Variants in CREB5 observed in about 807,000 individuals in gnomAD.
CREB5 encodes cyclic AMP-responsive element-binding protein 5.
Under a neutral mutation model 57.1 loss-of-function variants are expected in CREB5, and 19 were observed. The ratio of observed to expected loss-of-function variants is 0.33; its 90% CI spans 0.23 to 0.49. CREB5 has a LOEUF of 0.49. CREB5 is among the 20% of genes least tolerant of loss of function. CREB5 has a pLI of 0.99. For missense variants in CREB5, 579 were observed against 671.6 expected (o/e 0.86, Z 1.52); for synonymous variants, 238 against 238.3 (o/e 1.00, Z 0.01).
intron 5 of CREB5, among the ~76,000 whole-genome samples, chr7:28,647,347 C>T (rs904290656): frequency 2.0e-5 from 3 of 151,990 alleles, no homozygotes; most frequent in Non-Finnish European, 4.4e-5. Flanking sequence ...ATTGTGTGCT[C>T]TGCTAAGACC....
intron 7 of CREB5, among the ~76,000 whole-genome samples, chr7:28,754,735 TC>T (rs1022748425): frequency 1.3e-5 from 2 of 152,152 alleles, no homozygotes; most frequent in Non-Finnish European, 2.9e-5. Flanking sequence ...CTCTTTTTTT[TC>T]CCCCAATAAG....
At chr7:28,550,583 C>T (rs892437818) in intron 4 of CREB5, among the ~76,000 whole-genome samples, 1 of 152,204 alleles carries the variant, frequency 6.6e-6, no homozygotes, top group South Asian at 2.1e-4. Context: ...TCTGCCTCTT[C>T]TATCTCCCTC....
At chr7:28,569,216 G>A (rs535136626) in intron 4 of CREB5, among the ~76,000 whole-genome samples, 1 of 151,342 alleles carries the variant, frequency 6.6e-6, no homozygotes, top group Admixed American at 6.6e-5. Context: ...GTAATGTGGA[G>A]TGTAGAGGTG....
intron 4 of CREB5, among the ~76,000 whole-genome samples, chr7:28,548,185 T>G (rs774197139): frequency 1.3e-5 from 2 of 152,168 alleles, no homozygotes; most frequent in Non-Finnish European, 2.9e-5. Context: ...TTTTCACAAC[T>G]GAAACATTGG....
intron 1 of CREB5, among the ~76,000 whole-genome samples, chr7:28,475,864 G>T (rs908938486): frequency 2.6e-5 from 4 of 152,142 alleles, no homozygotes; most frequent in African/African-American, 7.2e-5. Flanking sequence ...GACACGTGCA[G>T]CTCCATCTCC....
At chr7:28,308,615 C>T (rs1214899318) in intron 1 of CREB5, among the ~76,000 whole-genome samples, 1 of 152,136 alleles carries the variant, frequency 6.6e-6, no homozygotes, top group African/African-American at 2.4e-5. Context: ...TGCTCCCTTG[C>T]TCCCTTCCCT....
intron 7 of CREB5, among the ~76,000 whole-genome samples, chr7:28,738,537 G>A (rs1804165188): frequency 6.6e-6 from 1 of 152,244 alleles, no homozygotes; most frequent in African/African-American, 2.4e-5. Flanking sequence ...GGGTATGTGA[G>A]AACATGGGAT....
At chr7:28,464,496 CGT>C (rs71555745) in intron 1 of CREB5, among the ~76,000 whole-genome samples, 33,473 of 139,330 alleles carry the variant, frequency 0.24, 3,964 homozygotes, top group East Asian at 0.37. Context: ...TGGAAAGTTG[CGT>C]GTGTGTGTGT....
rs903490060 is a variant in CREB5 at position 28,825,269 on chromosome 7, C to T, written c.*5990C>T. On this transcript the variant is annotated 3_prime_UTR_variant, in exon 11 of 11. Coordinates refer to ENST00000357727, the MANE Select transcript of CREB5 (RefSeq NM_182898.4). ...GCCAGTAGAAAATACAACCTACTCA[C>T]CTTTTTCCCTTCTAAGTTCTGCTAA... 3.9e-5 allele frequency: 6 copies of T among 152,552 alleles called. No homozygotes were observed. In the East Asian group the frequency reaches 1.2e-3, roughly 29 times the overall value. 9.4% of individuals were successfully genotyped at this position (152,552 alleles called of 1,614,324 possible).
chr7:28,793,988 GT>G (rs1283932931), intron 7 of CREB5, among the ~76,000 whole-genome samples: 1 of 152,212 alleles, frequency 6.6e-6, no homozygotes, highest in Non-Finnish European at 1.5e-5. Context: ...GTGGAGTAAA[GT>G]TTGCTGTGGG....
At chr7:28,462,862 G>C (rs1790404672) in intron 1 of CREB5, among the ~76,000 whole-genome samples, 1 of 151,992 alleles carries the variant, frequency 6.6e-6, no homozygotes, top group Admixed American at 6.6e-5. Flanking sequence ...ATCTCATTCT[G>C]TGGGTTTTCT....
intron 7 of CREB5, among the ~76,000 whole-genome samples, chr7:28,725,624 G>A (rs1803284525): frequency 7.3e-6 from 1 of 136,074 alleles, no homozygotes; most frequent in African/African-American, 2.8e-5. Context: ...GGAGACCAAA[G>A]TAATGCCATA....
intron 7 of CREB5, among the ~76,000 whole-genome samples, chr7:28,771,560 T>A: frequency 6.6e-6 from 1 of 152,112 alleles, no homozygotes; most frequent in Non-Finnish European, 1.5e-5. Context: ...CTTATCAGGC[T>A]CCCGGTACGT....
In CREB5 at chr7:28,597,534, G is replaced by T. The variant is rs147985785; in HGVS notation, c.464+26997G>T. On this transcript the variant is annotated intron_variant, in intron 5 of 10. Transcript: ENST00000357727. ...AGATAAACAGTGATCTGGAGGGTCTGGTTTAGATGCAAGTCATATTTCATG... is the reference window on the plus strand; with the variant it reads ...AGATAAACAGTGATCTGGAGGGTCTTGTTTAGATGCAAGTCATATTTCATG... Among the ~76,000 whole-genome samples the T allele has an allele frequency of 5.1e-3, 776 of 152,302 alleles. 6 individuals carry two copies. Among genetic ancestry groups the T allele is most frequent in the African/African-American group, 0.018 (747 of 41,552 alleles).
intron 4 of CREB5, among the ~76,000 whole-genome samples, chr7:28,533,425 C>T (rs1793817515): frequency 6.6e-6 from 1 of 152,164 alleles, no homozygotes; most frequent in Non-Finnish European, 1.5e-5. Context: ...CTCTGGTGAC[C>T]ATACCTGTCC....
chr7:28,655,275 C>T (rs901597990), intron 5 of CREB5, among the ~76,000 whole-genome samples: 3 of 152,074 alleles, frequency 2.0e-5, no homozygotes, highest in Non-Finnish European at 2.9e-5. Context: ...ACTCTTTAAA[C>T]GTTTTTGCCT....
intron 5 of CREB5, among the ~76,000 whole-genome samples, chr7:28,636,885 G>A (rs1798442866): frequency 6.6e-6 from 1 of 152,200 alleles, no homozygotes; most frequent in African/African-American, 2.4e-5. Context: ...ACTGAGTGCA[G>A]TGGCTCATGC....
At chr7:28,692,138 A>G (rs1397597214) in intron 5 of CREB5, among the ~76,000 whole-genome samples, 1 of 150,314 alleles carries the variant, frequency 6.7e-6, no homozygotes, top group African/African-American at 2.5e-5. Context: ...GTGAGCCAAG[A>G]TCCTGCCACT....
chr7:28,755,749 A>C (rs954646503), intron 7 of CREB5, among the ~76,000 whole-genome samples: 3 of 152,200 alleles, frequency 2.0e-5, no homozygotes, highest in African/African-American at 7.2e-5. Flanking sequence ...ATGGCTGCTG[A>C]ACATTGATCC....
Sources: allele counts gnomAD v4.1 joint callset (sites outside exome capture counted in the v4.1 genomes callset), GRCh38; gene constraint gnomAD v4.1.1; transcripts MANE v1.5; gene names NCBI Gene and HGNC (gene_info 2026-07-23, HGNC 2026-07-21).